NHEJ1: variants seen among roughly 807,000 people sequenced by gnomAD.
NHEJ1 encodes the protein non-homologous end-joining factor 1.
In NHEJ1, 22 loss-of-function variants were observed where a neutral mutation model predicts 39.4. The ratio of observed to expected loss-of-function variants is 0.56; its 90% CI spans 0.40 to 0.80. NHEJ1 has a LOEUF of 0.80. Ranked by LOEUF, NHEJ1 falls within the 30% of genes least tolerant of loss-of-function variation. The pLI is 0.00. For missense variants in NHEJ1, 329 were observed against 357.1 expected (o/e 0.92, Z 0.63); for synonymous variants, 154 against 135.6 (o/e 1.14, Z -0.94).
At chr2:219,077,458 G>A in intron 6 of NHEJ1, 94 bp from the exon 7 acceptor site, 1 of 987,738 alleles carries the variant, frequency 1.0e-6, no homozygotes, top group Non-Finnish European at 1.6e-6. Flanking sequence ...TAAAGGCCAG[G>A]GTTTGGTACA....
At position 219,073,386 on chromosome 2, in the gene NHEJ1, A is replaced by G. The variant is rs1318383411; in HGVS notation, c.*2995T>C. Reference sequence around the variant, plus strand: ...ACAAGAGAAGAGAATGACCCTAGTGATATCTTTTAGGACCCAGCCTGAGCT... The same window carrying G: ...ACAAGAGAAGAGAATGACCCTAGTGGTATCTTTTAGGACCCAGCCTGAGCT... On this transcript the variant is annotated 3_prime_UTR_variant, in exon 8 of 8. Coordinates refer to ENST00000356853, the MANE Select transcript of NHEJ1 (RefSeq NM_024782.3). Among the ~76,000 whole-genome samples, 1 of 152,162 alleles carries G rather than the reference A, an allele frequency of 6.6e-6. No homozygotes were observed. The highest frequency in any genetic ancestry group is 2.4e-5 in the African/African-American group (1 of 41,436).
At chr2:219,076,733 G>A (rs1411322904) in intron 7 of NHEJ1, among the ~76,000 whole-genome samples, 1 of 151,938 alleles carries the variant, frequency 6.6e-6, no homozygotes, top group East Asian at 1.9e-4. Flanking sequence ...TAAAGATAGG[G>A]TTTCACTTGG....
rs192086635 is a variant in NHEJ1, at chr2:219,154,659, C to T, written c.390+2813G>A. Among the ~76,000 whole-genome samples, 246 of 152,074 alleles carry T rather than the reference C, an allele frequency of 1.6e-3. 1 individual carries two copies. The highest frequency in any genetic ancestry group is 5.6e-3 in the African/African-American group (231 of 41,526). On this transcript the variant is annotated intron_variant, in intron 3 of 7. Coordinates refer to ENST00000356853, the MANE Select transcript of NHEJ1 (RefSeq NM_024782.3). ...AGGTTCAGGCGTTTCCCTAGGAGGG[C>T]ATTCTTCTTTTAATGATGAGTATTT...
chr2:219,121,399 T>C (rs1335940930), intron 5 of NHEJ1, among the ~76,000 whole-genome samples: 2 of 152,220 alleles, frequency 1.3e-5, no homozygotes, highest in African/African-American at 4.8e-5. Context: ...TTTAAAAGAA[T>C]GAACTACCAT....
chr2:219,130,641 C>T (rs1440967670), intron 5 of NHEJ1, among the ~76,000 whole-genome samples: 1 of 152,186 alleles, frequency 6.6e-6, no homozygotes, highest in Non-Finnish European at 1.5e-5. Flanking sequence ...AAGGCTTCTC[C>T]AGCTGTGCAA....
chr2:219,131,141 TAGA>T (rs1443831532), intron 5 of NHEJ1, among the ~76,000 whole-genome samples: 1 of 152,106 alleles, frequency 6.6e-6, no homozygotes, highest in Non-Finnish European at 1.5e-5. Flanking sequence ...AAGATGGTGT[TAGA>T]GGAGCCCCCA....
rs145065300 is a variant in NHEJ1, at chr2:219,072,344, T to C, written c.*4037A>G. ...TATCTAAGGGCCTAGTGTAATCCAT[T>C]ACAATTTTGCTAGCCCATACATTTA... On this transcript the variant is annotated 3_prime_UTR_variant, in exon 8 of 8. Coordinates refer to ENST00000356853, the MANE Select transcript of NHEJ1 (RefSeq NM_024782.3). Among the ~76,000 whole-genome samples the C allele has an allele frequency of 4.8e-4, 73 of 152,326 alleles. No homozygotes were observed. Among genetic ancestry groups the C allele is most frequent in the Non-Finnish European group, 7.9e-4 (54 of 68,028 alleles).
At chr2:219,136,584 T>C (rs559306923) in intron 5 of NHEJ1, among the ~76,000 whole-genome samples, 1 of 152,070 alleles carries the variant, frequency 6.6e-6, no homozygotes, top group East Asian at 1.9e-4. Context: ...CCACCACACG[T>C]AGCCCCTACT....
chr2:219,109,443 T>C (rs549351134), intron 5 of NHEJ1, among the ~76,000 whole-genome samples: 31 of 152,282 alleles, frequency 2.0e-4, no homozygotes, highest in Non-Finnish European at 3.4e-4. Context: ...CATTAAAGTT[T>C]ATAAGTCAGA....
rs767581900 is a variant in NHEJ1, at chr2:219,077,339, A to G, written c.732T>C (p.Ala244=). 3.1e-6 allele frequency: 5 copies of G among 1,614,094 alleles called. No individual in the cohort carries two copies. In the South Asian group the frequency reaches 5.5e-5, roughly 18 times the overall value. The change falls in exon 7 of 8, where the codon GCT becomes GCC. Residue 244 remains alanine, a synonymous_variant. Transcript: ENST00000356853. The part of the protein sequence containing the change: ...GAGDPHTSNS[A]SLQGIDSQCV... ...ATTGGCTATCGATTCCTTGCAGGGA[A>G]GCACTGTTTGAGGTATGAGGATCTC...
At chr2:219,100,609 T>TAA (rs58295341) in intron 5 of NHEJ1, among the ~76,000 whole-genome samples, 10 of 121,472 alleles carry the variant, frequency 8.2e-5, no homozygotes, top group East Asian at 4.6e-4. Context: ...AGACTGTCTT[T>TAA]AAAAAAAAAA....
intron 5 of NHEJ1, among the ~76,000 whole-genome samples, chr2:219,096,717 G>A (rs1473633304): frequency 6.6e-6 from 1 of 152,132 alleles, no homozygotes; most frequent in Non-Finnish European, 1.5e-5. Flanking sequence ...GGGAGCAGAG[G>A]GCATAAGACA....
At position 219,098,456 on chromosome 2, in the gene NHEJ1, A is replaced by T. The variant is rs536939352; in HGVS notation, c.589-20250T>A. On this transcript the variant is annotated intron_variant, in intron 5 of 7. Transcript: ENST00000356853. Reference sequence around the variant, plus strand: ...GAATCTAATGCACAAATAGAGAGACAGCCTTTAGACAGAGGCATGGCTACT... The same window carrying T: ...GAATCTAATGCACAAATAGAGAGACTGCCTTTAGACAGAGGCATGGCTACT... 4.4e-4 allele frequency among the ~76,000 whole-genome samples: 67 copies of T among 152,350 alleles called. No homozygotes were observed. The South Asian group carries it at 0.013, about 29-fold the overall frequency.
At chr2:219,153,922 A>G (rs1949824197) in intron 3 of NHEJ1, among the ~76,000 whole-genome samples, 1 of 152,238 alleles carries the variant, frequency 6.6e-6, no homozygotes, top group Non-Finnish European at 1.5e-5. Context: ...ATGTGGCAAG[A>G]TTAAAAGATA....
At chr2:219,138,085 A>G (rs150685219) in intron 5 of NHEJ1, among the ~76,000 whole-genome samples, 2 of 152,306 alleles carry the variant, frequency 1.3e-5, no homozygotes, top group African/African-American at 4.8e-5. Context: ...GGACACTAAA[A>G]AAAAACCACC....
chr2:219,138,751 T>C (rs576039548), intron 5 of NHEJ1, among the ~76,000 whole-genome samples: 4 of 152,130 alleles, frequency 2.6e-5, no homozygotes, highest in Non-Finnish European at 5.9e-5. Flanking sequence ...TAAGATGAAA[T>C]GGGAGTGCTA....
chr2:219,135,118 A>T (rs1266200495), intron 5 of NHEJ1, among the ~76,000 whole-genome samples: 2 of 152,014 alleles, frequency 1.3e-5, no homozygotes. Context: ...TCTAATTATA[A>T]ATAAGCCACT....
In NHEJ1 at chr2:219,074,510, G is replaced by A. The variant is rs1423778707; in HGVS notation, c.*1871C>T. Among the ~76,000 whole-genome samples, 3 of 152,118 alleles carry A rather than the reference G, an allele frequency of 2.0e-5. No homozygotes were observed. Among genetic ancestry groups the A allele is most frequent in the East Asian group, 1.9e-4 (1 of 5,180 alleles). On this transcript the variant is annotated 3_prime_UTR_variant, in exon 8 of 8. Transcript: ENST00000356853. ...TGTAATCCCAGCACTTTGGGAGGCC[G>A]AGGCAGGTAGATCACCTGAGGTCAG... is the stretch of plus-strand genomic sequence containing the variant.
chr2:219,145,523 CA>C (rs1304383143), intron 5 of NHEJ1, among the ~76,000 whole-genome samples: 2 of 152,152 alleles, frequency 1.3e-5, no homozygotes, highest in African/African-American at 4.8e-5. Flanking sequence ...AAAGAGCTTA[CA>C]AATTAATCTA....
Sources: gnomAD v4.1 joint callset for allele counts (sites outside exome capture counted in the v4.1 genomes callset) on GRCh38, gnomAD v4.1.1 for gene constraint, MANE v1.5 for transcripts, NCBI Gene and HGNC (gene_info 2026-07-23, HGNC 2026-07-21) for gene names.